BLK: variants seen among roughly 807,000 people sequenced by gnomAD.
BLK encodes tyrosine-protein kinase Blk.
BLK carries 64 observed loss-of-function variants against 61.8 expected under a neutral mutation model. That is an observed-to-expected ratio of 1.03 (90% CI 0.85 to 1.27). The LOEUF (loss-of-function observed/expected upper bound fraction) is 1.27. Among genes scored for constraint, BLK ranks in the 50% most tolerant of loss-of-function variants. The pLI is 0.00. For missense variants in BLK, 853 were observed against 660.5 expected (o/e 1.29, Z -3.19); for synonymous variants, 351 against 272.0 (o/e 1.29, Z -2.86).
At chr8:11,533,830 G>A (rs945381852) in intron 1 of BLK, among the ~76,000 whole-genome samples, 5 of 152,240 alleles carry the variant, frequency 3.3e-5, no homozygotes, top group Non-Finnish European at 1.5e-5. Context: ...ATACTAATAT[G>A]TAAGAAATGT....
chr8:11,532,261 T>A (rs1287688365), intron 1 of BLK, among the ~76,000 whole-genome samples: 1 of 151,852 alleles, frequency 6.6e-6, no homozygotes, highest in East Asian at 1.9e-4. Context: ...TGCAGTGGTG[T>A]GATCTTGGCT....
In BLK at chr8:11,502,060, C is replaced by T. The variant is rs185858920; in HGVS notation, c.-2+7469C>T. On this transcript the variant is annotated intron_variant, in intron 1 of 12. Transcript: ENST00000259089. The stretch of plus-strand genomic sequence containing the variant: ...AATTTCAAGTTGCTAACATGACTTG[C>T]GTGAACATGGGTTCGAGATGCGCAG... Among the ~76,000 whole-genome samples, 253 of 152,270 alleles carry T rather than the reference C, an allele frequency of 1.7e-3. 2 individuals carry two copies. The highest frequency in any genetic ancestry group is 6.0e-3 in the African/African-American group (249 of 41,550).
In BLK at chr8:11,550,159, G is replaced by T; in HGVS notation, c.369G>T (p.Arg123Ser). 6.2e-7 allele frequency: 1 copy of T among 1,614,100 alleles called. No homozygotes were observed. Among genetic ancestry groups the T allele is most frequent in the African/African-American group, 1.3e-5 (1 of 75,064 alleles). ...TTCACCTGTTCCTGCCGTTTTCCAG[G>T]TGGTTCTTTAGATCACAGGGTCGGA... ...VARVESLEME[R>S]WFFRSQGRKE... The change falls in exon 6 of 13, where the codon AGG (arginine) becomes AGT (serine). Residue 123 changes from arginine (R) to serine (S), a missense_variant and splice_region_variant. Physicochemically the swap from Arg to Ser is moderately radical, Grantham distance 110 (BLOSUM62 -1). Transcript: ENST00000259089.
chr8:11,500,014 A>G (rs1585315257), intron 1 of BLK, among the ~76,000 whole-genome samples: 1 of 152,308 alleles, frequency 6.6e-6, no homozygotes, highest in African/African-American at 2.4e-5. Context: ...GCATTTCTGA[A>G]AGAGCCTGAT....
Position 11,548,048 on chromosome 8 carries a change from GGCTCTGTATGACTACACC to G in BLK, c.196_213del (p.Leu66_Ala71del). On this transcript the variant is annotated inframe_deletion, in exon 4 of 13. Coordinates refer to ENST00000259089, the MANE Select transcript of BLK (RefSeq NM_001715.3). ...TCATTTTAGACAAGCATTTCGTGGT[GGCTCTGTATGACTACACC>G]GCTATGAATGATCGGGACCTGCAGA... 6.2e-7 allele frequency: 1 copy of G among 1,614,070 alleles called. No homozygotes were observed. Among genetic ancestry groups the G allele is most frequent in the Non-Finnish European group, 8.5e-7 (1 of 1,179,982 alleles).
chr8:11,504,827 C>G lies in BLK; in HGVS notation c.-2+10236C>G, dbSNP rs1166625755. On this transcript the variant is annotated intron_variant, in intron 1 of 12. Coordinates refer to ENST00000259089, the MANE Select transcript of BLK (RefSeq NM_001715.3). ...AGCATGTGGTGTTTGGCCTAAGTGG[C>G]CCATGTGGACTTTGTTTCAAGGATT... is the stretch of plus-strand genomic sequence containing the variant. Among the ~76,000 whole-genome samples the G allele has an allele frequency of 2.0e-5, 3 of 152,186 alleles. No individual in the cohort carries two copies. The East Asian group carries it at 5.8e-4, about 29-fold the overall frequency.
Position 11,550,202 on chromosome 8 carries a change from C to T in BLK, c.412C>T (p.Leu138Phe), listed in dbSNP as rs2117497884. 6.2e-7 allele frequency: 1 copy of T among 1,614,142 alleles called. No homozygotes were observed. Among genetic ancestry groups the T allele is most frequent in the East Asian group, 2.2e-5 (1 of 44,884 alleles). ...GGGTCGGAAGGAGGCTGAGAGGCAG[C>T]TTCTTGCTCCAATCAACAAGGCCGG... ...SQGRKEAERQ[L>F]LAPINKAGSF... The change falls in exon 6 of 13, where the codon CTT becomes TTT. Residue 138 changes from leucine (L) to phenylalanine (F), a missense_variant. By Grantham distance (22) the Leu-to-Phe change is conservative. Coordinates refer to ENST00000259089, the MANE Select transcript of BLK (RefSeq NM_001715.3).
At position 11,564,234 on chromosome 8, in the gene BLK, G is replaced by T; in HGVS notation, c.*126G>T. On this transcript the variant is annotated 3_prime_UTR_variant, in exon 13 of 13. Transcript: ENST00000259089. The stretch of plus-strand genomic sequence containing the variant: ...CTTTTCTCAGACCCGGAATCCAGTG[G>T]GCAGAGGCAGCTTCGCAGGGGGTCC... 1 of 1,190,418 alleles carries T rather than the reference G, an allele frequency of 8.4e-7. No individual in the cohort carries two copies. Among genetic ancestry groups the T allele is most frequent in the Non-Finnish European group, 1.2e-6 (1 of 835,788 alleles). The allele number at this position is 1,190,418 out of a possible 1,614,324, so 73.7% of individuals were successfully genotyped here.
chr8:11,553,679 G>A (rs1219719203), intron 6 of BLK: 3 of 169,034 alleles, frequency 1.8e-5, no homozygotes, highest in Non-Finnish European at 2.5e-5. Context: ...GGCAGGGTCG[G>A]GGAGACAGTT....
intron 1 of BLK, among the ~76,000 whole-genome samples, chr8:11,532,339 C>T (rs149911519): frequency 0.011 from 1,582 of 148,424 alleles, 24 homozygotes; most frequent in African/African-American, 0.037. Flanking sequence ...GCTAGGATTA[C>T]AGGCACGCAG....
chr8:11,511,919 T>C (rs1360822437), intron 1 of BLK, among the ~76,000 whole-genome samples: 1 of 152,184 alleles, frequency 6.6e-6, no homozygotes. Flanking sequence ...TTTCTGGCAG[T>C]GGATGCTGTC....
intron 1 of BLK, among the ~76,000 whole-genome samples, chr8:11,535,311 AG>A (rs1563102574): frequency 7.4e-6 from 1 of 135,990 alleles, no homozygotes. Context: ...AAAGAAAGAA[AG>A]AAAGAAAGAA....
intron 1 of BLK, among the ~76,000 whole-genome samples, chr8:11,537,223 T>A (rs79235412): frequency 6.6e-6 from 1 of 152,182 alleles, no homozygotes; most frequent in African/African-American, 2.4e-5. Context: ...ATCACCGTAC[T>A]TTCTTCATTT....
intron 7 of BLK, 124 bp downstream of exon 7, chr8:11,555,013 A>C: frequency 2.1e-6 from 3 of 1,417,370 alleles, no homozygotes; most frequent in Non-Finnish European, 2.9e-6. Context: ...TCCCAAAGTT[A>C]GGCCTAAGGA....
chr8:11,541,022 T>A (rs1255660066), intron 1 of BLK, among the ~76,000 whole-genome samples: 1 of 152,182 alleles, frequency 6.6e-6, no homozygotes. Flanking sequence ...TCCCAGTACT[T>A]TGGGAGGCTG....
chr8:11,551,516 C>T (rs1359366988), intron 6 of BLK, among the ~76,000 whole-genome samples: 2 of 152,264 alleles, frequency 1.3e-5, no homozygotes, highest in South Asian at 2.1e-4. Context: ...TTCTCAGGAC[C>T]GAGGGTTAGG....
At chr8:11,552,281 C>T (rs1183805169) in intron 6 of BLK, among the ~76,000 whole-genome samples, 2 of 152,180 alleles carry the variant, frequency 1.3e-5, no homozygotes, top group Non-Finnish European at 2.9e-5. Flanking sequence ...CACAAAGGGG[C>T]AGGACCAGGT....
intron 2 of BLK, among the ~76,000 whole-genome samples, chr8:11,545,334 A>G (rs1800582036): frequency 6.6e-6 from 1 of 152,224 alleles, no homozygotes; most frequent in African/African-American, 2.4e-5. Context: ...GGATCACTTG[A>G]GGCCAGGAGT....
rs114725099 is a variant in BLK at position 11,544,626 on chromosome 8, T to G, written c.123+1279T>G. On this transcript the variant is annotated intron_variant, in intron 2 of 12. Transcript: ENST00000259089. Reference sequence around the variant, plus strand: ...TAAGTAGTAGCACCTGGAATTTTTTTCACTTAAAAGAGTCACATAATATGT... The same window carrying G: ...TAAGTAGTAGCACCTGGAATTTTTTGCACTTAAAAGAGTCACATAATATGT... Among the ~76,000 whole-genome samples the G allele has an allele frequency of 9.8e-3, 1,486 of 152,306 alleles. 12 individuals carry two copies. The highest frequency in any genetic ancestry group is 0.044 in the Middle Eastern group (13 of 294).
Sources: gnomAD v4.1 joint callset for allele counts (sites outside exome capture counted in the v4.1 genomes callset) on GRCh38, gnomAD v4.1.1 for gene constraint, MANE v1.5 for transcripts, NCBI Gene and HGNC (gene_info 2026-07-23, HGNC 2026-07-21) for gene names.